ITSN1: variants seen among roughly 807,000 people sequenced by gnomAD.
ITSN1 encodes the protein intersectin-1.
Under a neutral mutation model 239.8 loss-of-function variants are expected in ITSN1, and 58 were observed. The observed-to-expected ratio is 0.24, with a 90% CI of 0.20 to 0.30. The LOEUF (loss-of-function observed/expected upper bound fraction) is 0.30. ITSN1 is among the 10% of genes least tolerant of loss of function. The probability of loss-of-function intolerance (pLI) is 1.00; values close to 1 mark genes in which losing one functional copy is unlikely to be tolerated. For missense variants in ITSN1, 1,558 were observed against 2,103.3 expected, an observed-to-expected ratio of 0.74 and a Z score of 5.07; for synonymous variants, 780 against 770.8, an observed-to-expected ratio of 1.01 and a Z score of -0.20.
At chr21:33,836,170 A>C (rs1156975903) in intron 28 of ITSN1, among the ~76,000 whole-genome samples, 2 of 152,192 alleles carry the variant, frequency 1.3e-5, no homozygotes, top group African/African-American at 4.8e-5. Context: ...CTCGATTAGC[A>C]CTGTACATTT....
At chr21:33,873,563 A>C (rs981339170) in intron 33 of ITSN1, among the ~76,000 whole-genome samples, 1 of 152,220 alleles carries the variant, frequency 6.6e-6, no homozygotes, top group Non-Finnish European at 1.5e-5. Flanking sequence ...TCATGCGAGG[A>C]ACCTGAGACT....
At chr21:33,686,071 A>C (rs1381564796) in intron 1 of ITSN1, among the ~76,000 whole-genome samples, 2 of 152,198 alleles carry the variant, frequency 1.3e-5, no homozygotes, top group Non-Finnish European at 2.9e-5. Flanking sequence ...GTAATTGATG[A>C]CTTGGCTCTG....
chr21:33,818,071 G>T (rs958717325), intron 22 of ITSN1, 196 bp from the exon 23 acceptor site: 18 of 597,678 alleles, frequency 3.0e-5, no homozygotes, highest in Non-Finnish European at 4.7e-5. Context: ...GAAGGCTTTG[G>T]CCTCCACTTT....
intron 1 of ITSN1, among the ~76,000 whole-genome samples, chr21:33,687,163 C>G (rs533988226): frequency 1.8e-4 from 27 of 151,638 alleles, no homozygotes; most frequent in Non-Finnish European, 7.4e-5. Context: ...GAAACCCTGT[C>G]TTTACTAAAA....
At chr21:33,767,863 G>A (rs1447865562) in intron 11 of ITSN1, 35 bp downstream of exon 11, 2 of 1,161,312 alleles carry the variant, frequency 1.7e-6, no homozygotes, top group Non-Finnish European at 2.6e-6. Flanking sequence ...AAATCATTTA[G>A]ATTAAACGAA....
chr21:33,784,430 G>A (rs2070475098), intron 16 of ITSN1, among the ~76,000 whole-genome samples: 1 of 152,124 alleles, frequency 6.6e-6, no homozygotes, highest in South Asian at 2.1e-4. Flanking sequence ...TTGAGTCTGG[G>A]AGGTTGGGGC....
At chr21:33,660,051 A>G (rs1280955699) in intron 1 of ITSN1, among the ~76,000 whole-genome samples, 1 of 152,086 alleles carries the variant, frequency 6.6e-6, no homozygotes, top group South Asian at 2.1e-4. Flanking sequence ...GATTCTGTCA[A>G]TTCAGCCTCT....
At chr21:33,766,732 A>T (rs140265995) in intron 10 of ITSN1, among the ~76,000 whole-genome samples, 1 of 152,366 alleles carries the variant, frequency 6.6e-6, no homozygotes, top group African/African-American at 2.4e-5. Flanking sequence ...TACAGGAGCA[A>T]GCTGAGGAAA....
chr21:33,678,628 G>A (rs548819312), intron 1 of ITSN1, among the ~76,000 whole-genome samples: 1 of 152,160 alleles, frequency 6.6e-6, no homozygotes, highest in Non-Finnish European at 1.5e-5. Context: ...TTTCTTGGTT[G>A]ACAAAAGCCT....
chr21:33,775,805 G>A (rs1177146310), intron 14 of ITSN1, among the ~76,000 whole-genome samples: 3 of 152,098 alleles, frequency 2.0e-5, no homozygotes, highest in Non-Finnish European at 2.9e-5. Context: ...TCATATGAGA[G>A]CTATATGTAT....
intron 29 of ITSN1, among the ~76,000 whole-genome samples, chr21:33,855,265 C>G (rs1052855326): frequency 7.9e-5 from 12 of 152,182 alleles, no homozygotes; most frequent in African/African-American, 2.9e-4. Context: ...ATACCCAGCC[C>G]CCAACTCCAG....
chr21:33,878,014 G>C (rs1376530547), intron 34 of ITSN1, among the ~76,000 whole-genome samples: 3 of 26,670 alleles, frequency 1.1e-4, no homozygotes, highest in African/African-American at 5.2e-4. Flanking sequence ...CTCTTTGTGT[G>C]TGTGTGTGTG....
At chr21:33,678,929 T>C (rs569015457) in intron 1 of ITSN1, among the ~76,000 whole-genome samples, 1 of 152,320 alleles carries the variant, frequency 6.6e-6, no homozygotes, top group South Asian at 2.1e-4. Flanking sequence ...AGAGATTTTC[T>C]GTCAGTGTTC....
At chr21:33,659,815 G>C (rs1167443908) in intron 1 of ITSN1, among the ~76,000 whole-genome samples, 1 of 148,318 alleles carries the variant, frequency 6.7e-6, no homozygotes, top group Non-Finnish European at 1.5e-5. Context: ...AACCTCCCAG[G>C]CTCAGGCAAT....
chr21:33,696,395 G>A (rs1305565381), intron 1 of ITSN1, among the ~76,000 whole-genome samples: 1 of 152,182 alleles, frequency 6.6e-6, no homozygotes, highest in Non-Finnish European at 1.5e-5. Flanking sequence ...GGACTCAGTT[G>A]TATTGGACAG....
rs188915920 is a variant in ITSN1, at chr21:33,836,500, A to G, written c.3529A>G (p.Asn1177Asp). The G allele has an allele frequency of 2.5e-6, 4 of 1,614,072 alleles. No individual in the cohort carries two copies. Among genetic ancestry groups the G allele is most frequent in the Non-Finnish European group, 3.4e-6 (4 of 1,179,938 alleles). The change falls in exon 29 of 40, where the codon AAC becomes GAC. Residue 1177 changes from asparagine (N) to aspartate (D), a missense_variant. This residue lies in a region of ITSN1 where 576 missense variants were observed against 893.3 expected (regional missense o/e 0.64). Transcript: ENST00000381318. ...GCAGAATGACGATGAGCTGGCCTTC[A>G]ACAAGGGCCAGATCATCAACGTCCT... ...TAQNDDELAF[N>D]KGQIINVLNK...
Position 33,865,893 on chromosome 21 carries a change from G to A in ITSN1, c.4074+559G>A, listed in dbSNP as rs916141861. Among the ~76,000 whole-genome samples, 1 of 152,174 alleles carries A rather than the reference G, an allele frequency of 6.6e-6. No homozygotes were observed. Among genetic ancestry groups the A allele is most frequent in the Non-Finnish European group, 1.5e-5 (1 of 68,040 alleles). On this transcript the variant is annotated intron_variant, in intron 32 of 39. Transcript: ENST00000381318. The surrounding 1 kb of genome is among the most constrained non-coding windows in gnomAD (Gnocchi z 4.4). ...AGTCCACCAGGGGATGTTTGGGGAG[G>A]TAATGCGGATACTGCTGGAAGACCT...
intron 38 of ITSN1, 58 bp from the exon 39 acceptor site, chr21:33,886,228 AG>A: frequency 4.6e-6 from 6 of 1,314,614 alleles, no homozygotes; most frequent in Non-Finnish European, 5.3e-6. Context: ...AAAAAAAAAA[AG>A]AGTGGAGATC....
At chr21:33,711,066 C>T (rs534896927) in intron 1 of ITSN1, among the ~76,000 whole-genome samples, 42 of 152,176 alleles carry the variant, frequency 2.8e-4, no homozygotes, top group African/African-American at 8.4e-4. Flanking sequence ...TGAGCCACCG[C>T]GCCTGGCCGG....
Sources: gnomAD v4.1 joint callset for allele counts (sites outside exome capture counted in the v4.1 genomes callset) on GRCh38, gnomAD v4.1.1 for gene constraint, gnomAD v4.1.1 regional missense constraint, Gnocchi (gnomAD v3.1) non-coding constraint, MANE v1.5 for transcripts, NCBI Gene and HGNC (gene_info 2026-07-23, HGNC 2026-07-21) for gene names.